The following ZNF583 variants were observed in gnomAD, a reference collection of about 807,000 sequenced individuals.
The protein encoded by ZNF583 is zinc finger protein L3-5.
ZNF583 carries 30 observed loss-of-function variants against 55.3 expected under a neutral mutation model. The observed-to-expected ratio is 0.54, with a 90% confidence interval of 0.41 to 0.74. The LOEUF is 0.74. ZNF583 is among the 30% of genes least tolerant of loss of function. ZNF583 has a pLI of 0.00. For synonymous variants in ZNF583, 208 were observed against 220.0 expected (o/e 0.95, Z 0.48); for missense variants, 504 against 664.7 (o/e 0.76, Z 2.66).
intron 1 of ZNF583, among the ~76,000 whole-genome samples, chr19:56,405,927 T>C (rs746556591): frequency 4.6e-5 from 7 of 152,210 alleles, no homozygotes; most frequent in Non-Finnish European, 7.3e-5. Context: ...AGACCAGGTG[T>C]TCTGATCCTT....
In ZNF583 at chr19:56,414,431, C is replaced by A; in HGVS notation, c.223C>A (p.Pro75Thr). ...GGTGAAGAAGGAGGGAACAAGAGGC[C>A]CATGCCCTGGTGAGTGAGAGAGAAA... ...WMVKKEGTRG[P>T]CPDWEYVFKN... The change falls in exon 4 of 5, where the codon CCA becomes ACA. Residue 75 changes from proline to threonine, a missense_variant. This residue lies in a region of ZNF583 where 204 missense variants were observed against 235.2 expected (regional missense o/e 0.87). Coordinates refer to ENST00000333201, the MANE Select transcript of ZNF583 (RefSeq NM_152478.3). The A allele has an allele frequency of 6.2e-7, 1 of 1,613,820 alleles. No homozygotes were observed. Among genetic ancestry groups the A allele is most frequent in the Non-Finnish European group, 8.5e-7 (1 of 1,179,864 alleles).
At chr19:56,420,052 T>G (rs1349166815) in intron 4 of ZNF583, among the ~76,000 whole-genome samples, 1 of 152,216 alleles carries the variant, frequency 6.6e-6, no homozygotes, top group Non-Finnish European at 1.5e-5. Flanking sequence ...TTAGTTGTTT[T>G]CTAACATAAG....
chr19:56,414,179 T>A (rs1297581533), intron 3 of ZNF583, 94 bp downstream of exon 3: 1 of 1,537,936 alleles, frequency 6.5e-7, no homozygotes, highest in African/African-American at 1.4e-5. Flanking sequence ...CTAAATTTCC[T>A]TTTCTTGTGC....
chr19:56,406,211 C>T (rs2042145384), intron 1 of ZNF583, among the ~76,000 whole-genome samples: 1 of 152,180 alleles, frequency 6.6e-6, no homozygotes, highest in Non-Finnish European at 1.5e-5. Context: ...ACTACATGGA[C>T]CCTCTGATAC....
intron 4 of ZNF583, chr19:56,421,294 G>C (rs202159320): frequency 1.2e-5 from 2 of 161,174 alleles, no homozygotes; most frequent in Non-Finnish European, 2.6e-5. Context: ...ATGAGAATTA[G>C]TGTTTTTACT....
intron 4 of ZNF583, chr19:56,421,527 T>C (rs1194457472): frequency 1.0e-6 from 1 of 983,696 alleles, no homozygotes; most frequent in African/African-American, 1.7e-5. Flanking sequence ...TCAATTTAAG[T>C]ATGTTGCCTT....
At chr19:56,422,521 A>G (rs961155186) in intron 4 of ZNF583, among the ~76,000 whole-genome samples, 2 of 152,196 alleles carry the variant, frequency 1.3e-5, no homozygotes, top group Admixed American at 1.3e-4. Flanking sequence ...TGGGATTCCA[A>G]TGGAGTTTTT....
At chr19:56,419,170 T>C (rs1200008481) in intron 4 of ZNF583, among the ~76,000 whole-genome samples, 3 of 151,688 alleles carry the variant, frequency 2.0e-5, no homozygotes, top group Non-Finnish European at 2.9e-5. Context: ...CTTATGTACA[T>C]GTGCTACATT....
At chr19:56,422,804 T>C (rs1198041155) in intron 4 of ZNF583, 87 bp from the exon 5 acceptor site, 19 of 921,874 alleles carry the variant, frequency 2.1e-5, no homozygotes, top group Non-Finnish European at 3.0e-5. Flanking sequence ...TCCTTTAACT[T>C]GTGATGTATT....
chr19:56,414,532 G>C, intron 4 of ZNF583, 92 bp downstream of exon 4: 2 of 1,189,554 alleles, frequency 1.7e-6, no homozygotes, highest in East Asian at 2.4e-5. Flanking sequence ...CGTTTCCTGG[G>C]TAGCTCTTCT....
At chr19:56,418,148 A>C (rs150813169) in intron 4 of ZNF583, among the ~76,000 whole-genome samples, 2 of 152,322 alleles carry the variant, frequency 1.3e-5, no homozygotes, top group Admixed American at 1.3e-4. Context: ...AATGAAGTTG[A>C]GAATTTCTGC....
chr19:56,421,366 C>A, intron 4 of ZNF583: 4 of 598,580 alleles, frequency 6.7e-6, no homozygotes, highest in Non-Finnish European at 8.4e-6. Flanking sequence ...CCTTGGCAGT[C>A]ATTTCATATT....
At chr19:56,417,103 C>A (rs2042337951) in intron 4 of ZNF583, among the ~76,000 whole-genome samples, 1 of 152,120 alleles carries the variant, frequency 6.6e-6, no homozygotes, top group African/African-American at 2.4e-5. Context: ...TGGTGATGGA[C>A]ATTTGGGTTG....
chr19:56,421,771 C>A (rs2147607753), intron 4 of ZNF583, among the ~76,000 whole-genome samples: 1 of 152,158 alleles, frequency 6.6e-6, no homozygotes, highest in South Asian at 2.1e-4. Flanking sequence ...GAGAAAAAAA[C>A]TTCCTGCACA....
At chr19:56,411,317 G>GT (rs770019390) in intron 2 of ZNF583, among the ~76,000 whole-genome samples, 62 of 152,152 alleles carry the variant, frequency 4.1e-4, no homozygotes, top group Non-Finnish European at 6.5e-4. Flanking sequence ...AAACAAAGGA[G>GT]TGGGGGGAAA....
chr19:56,416,058 T>C (rs1294396270), intron 4 of ZNF583, among the ~76,000 whole-genome samples: 1 of 151,948 alleles, frequency 6.6e-6, no homozygotes, highest in Non-Finnish European at 1.5e-5. Context: ...TCGGGCGTGG[T>C]GGCTTACACC....
intron 1 of ZNF583, among the ~76,000 whole-genome samples, chr19:56,406,748 C>G (rs1044554843): frequency 6.6e-6 from 1 of 152,004 alleles, no homozygotes; most frequent in African/African-American, 2.4e-5. Context: ...AGGATGGTCT[C>G]GATCTCCTGA....
chr19:56,418,493 C>T (rs2042363631), intron 4 of ZNF583, among the ~76,000 whole-genome samples: 1 of 151,868 alleles, frequency 6.6e-6, no homozygotes, highest in Non-Finnish European at 1.5e-5. Context: ...AATTTTTTTT[C>T]CTAAGTCTGT....
chr19:56,422,928 A>C lies in ZNF583; in HGVS notation c.270A>C (p.Ser90=), dbSNP rs144022660. 3.1e-6 allele frequency: 5 copies of C among 1,606,962 alleles called. No homozygotes were observed. The South Asian group carries it at 5.6e-5, about 18-fold the overall frequency. The change falls in exon 5 of 5, where the codon TCA becomes TCC. Residue 90 remains serine (S), a synonymous_variant. Transcript: ENST00000333201. Reference sequence around the variant, plus strand: ...TATTTAAAAACAGTGAATTTTCATCAAAGCAAGAGACATATGAAGAATCAT... The same window carrying C: ...TATTTAAAAACAGTGAATTTTCATCCAAGCAAGAGACATATGAAGAATCAT... ...EYVFKNSEFS[S]KQETYEESSK...
Sources: allele counts gnomAD v4.1 joint callset (sites outside exome capture counted in the v4.1 genomes callset), GRCh38; gene constraint gnomAD v4.1.1; regional missense constraint gnomAD v4.1.1; transcripts MANE v1.5; gene names NCBI Gene and HGNC (gene_info 2026-07-23, HGNC 2026-07-21).